CDH13: variants seen among roughly 807,000 people sequenced by gnomAD.
The protein encoded by CDH13 is cadherin 13.
CDH13 carries 24 observed loss-of-function variants against 63.8 expected under a neutral mutation model. The observed-to-expected ratio is 0.38, with a 90% CI of 0.27 to 0.53. CDH13 has a LOEUF of 0.53. Among genes scored for constraint, CDH13 ranks in the 20% least tolerant of loss-of-function variants. The probability of loss-of-function intolerance (pLI) is 0.85; values close to 1 mark genes in which losing one functional copy is unlikely to be tolerated. For missense variants in CDH13, 1,049 were observed against 903.1 expected, an observed-to-expected ratio of 1.16 and a Z score of -2.07; for synonymous variants, 503 against 355.3, an observed-to-expected ratio of 1.42 and a Z score of -4.67.
chr16:83,380,658 G>T (rs1460576583), intron 6 of CDH13, among the ~76,000 whole-genome samples: 1 of 152,082 alleles, frequency 6.6e-6, no homozygotes, highest in Non-Finnish European at 1.5e-5. Flanking sequence ...CCACTTCATG[G>T]CTCAAGGTGG....
intron 2 of CDH13, among the ~76,000 whole-genome samples, chr16:82,870,738 C>G (rs762981030): frequency 6.6e-6 from 1 of 152,132 alleles, no homozygotes; most frequent in Non-Finnish European, 1.5e-5. Flanking sequence ...ATCAAAACAT[C>G]ATAGGTCCCC....
chr16:82,792,143 C>T (rs1295372084), intron 1 of CDH13, among the ~76,000 whole-genome samples: 4 of 152,080 alleles, frequency 2.6e-5, no homozygotes, highest in Non-Finnish European at 5.9e-5. Flanking sequence ...CATCTCTGAG[C>T]CATCCCCGGT....
At chr16:83,111,771 C>T (rs773680860) in intron 3 of CDH13, among the ~76,000 whole-genome samples, 75 of 152,158 alleles carry the variant, frequency 4.9e-4, no homozygotes, top group Non-Finnish European at 1.0e-3. Flanking sequence ...AACAAGAATT[C>T]ATAAAACCAA....
At chr16:83,667,312 A>G (rs1914079858) in intron 8 of CDH13, among the ~76,000 whole-genome samples, 2 of 152,192 alleles carry the variant, frequency 1.3e-5, no homozygotes, top group East Asian at 3.8e-4. Flanking sequence ...CTGCAGACAT[A>G]AAACTATCAG....
chr16:83,282,027 G>A (rs1185920103), intron 5 of CDH13, among the ~76,000 whole-genome samples: 2 of 152,114 alleles, frequency 1.3e-5, no homozygotes, highest in Non-Finnish European at 2.9e-5. Flanking sequence ...CATTGTAGTG[G>A]TATTCATTGG....
chr16:83,065,417 C>G (rs1254805866), intron 3 of CDH13, among the ~76,000 whole-genome samples: 1 of 152,086 alleles, frequency 6.6e-6, no homozygotes, highest in African/African-American at 2.4e-5. Flanking sequence ...ATATAGACCA[C>G]TTCCAGGCTG....
intron 2 of CDH13, among the ~76,000 whole-genome samples, chr16:82,931,027 C>A (rs8046347): frequency 0.28 from 42,140 of 152,084 alleles, 6,433 homozygotes; most frequent in Non-Finnish European, 0.34. Context: ...AGAGGTTGAA[C>A]CCTCTGCTGA....
At chr16:83,476,534 G>T (rs182194376) in intron 6 of CDH13, among the ~76,000 whole-genome samples, 1 of 152,160 alleles carries the variant, frequency 6.6e-6, no homozygotes, top group Non-Finnish European at 1.5e-5. Context: ...TTAGCAAGGC[G>T]TGGTGGCGCA....
chr16:83,265,694 A>C (rs1290757789), intron 5 of CDH13, among the ~76,000 whole-genome samples: 6 of 95,098 alleles, frequency 6.3e-5, no homozygotes, highest in East Asian at 6.4e-4. Flanking sequence ...GGTTTTAAAG[A>C]TTCACCTGTT....
At chr16:83,211,041 G>C (rs2039324999) in intron 4 of CDH13, among the ~76,000 whole-genome samples, 1 of 151,766 alleles carries the variant, frequency 6.6e-6, no homozygotes, top group African/African-American at 2.4e-5. Context: ...CCAGCTACTT[G>C]GGAGGCTGAG....
chr16:83,009,750 G>T (rs184832396), intron 2 of CDH13, among the ~76,000 whole-genome samples: 28 of 152,320 alleles, frequency 1.8e-4, no homozygotes, highest in African/African-American at 5.8e-4. Flanking sequence ...AGGAGATTAT[G>T]CCATCTAGGA....
intron 5 of CDH13, among the ~76,000 whole-genome samples, chr16:83,312,938 C>T (rs369767829): frequency 6.6e-6 from 1 of 152,178 alleles, no homozygotes; most frequent in Non-Finnish European, 1.5e-5. Context: ...ATACACCATT[C>T]CAAAGCCCGC....
intron 5 of CDH13, among the ~76,000 whole-genome samples, chr16:83,242,706 G>C (rs1409237126): frequency 6.6e-6 from 1 of 152,306 alleles, no homozygotes; most frequent in East Asian, 1.9e-4. Flanking sequence ...TTCCCAGAAA[G>C]TGATAGTTTT....
At chr16:83,399,120 A>G (rs1265783886) in intron 6 of CDH13, among the ~76,000 whole-genome samples, 1 of 152,214 alleles carries the variant, frequency 6.6e-6, no homozygotes, top group African/African-American at 2.4e-5. Context: ...GGCATGTTTC[A>G]ATAGATGGTT....
chr16:83,013,282 C>T (rs768331781), intron 2 of CDH13, among the ~76,000 whole-genome samples: 9 of 152,118 alleles, frequency 5.9e-5, no homozygotes, highest in African/African-American at 1.7e-4. Flanking sequence ...AGTAGTGGGC[C>T]GGATTTGACA....
At chr16:83,089,498 C>G (rs1365662993) in intron 3 of CDH13, among the ~76,000 whole-genome samples, 5 of 151,270 alleles carry the variant, frequency 3.3e-5, no homozygotes, top group Non-Finnish European at 7.4e-5. Context: ...CTGAATCACA[C>G]TCATTCCCTC....
chr16:83,158,951 G>C (rs759400355), intron 4 of CDH13, among the ~76,000 whole-genome samples: 1 of 152,160 alleles, frequency 6.6e-6, no homozygotes, highest in Non-Finnish European at 1.5e-5. Flanking sequence ...CTTCATTACT[G>C]CATATATATT....
intron 3 of CDH13, among the ~76,000 whole-genome samples, chr16:83,069,659 C>A (rs761626855): frequency 1.3e-5 from 2 of 152,270 alleles, no homozygotes; most frequent in African/African-American, 4.8e-5. Context: ...ACTGCTTCCT[C>A]CAGCCTCATC....
chr16:83,542,833 TTGGC>T (rs1413423382), intron 7 of CDH13, among the ~76,000 whole-genome samples: 1 of 152,254 alleles, frequency 6.6e-6, no homozygotes, highest in Non-Finnish European at 1.5e-5. Context: ...ACCAATCATA[TTGGC>T]TTAGGGCCCG....
Sources: allele counts gnomAD v4.1 joint callset (sites outside exome capture counted in the v4.1 genomes callset), GRCh38; gene constraint gnomAD v4.1.1; transcripts MANE v1.5; gene names NCBI Gene and HGNC (gene_info 2026-07-23, HGNC 2026-07-21).